The following DPH6 variants were observed in gnomAD, a reference collection of about 807,000 sequenced individuals.
DPH6 encodes diphthamine biosynthesis 6.
A neutral mutation model predicts 38.2 loss-of-function variants in DPH6; 33 were observed. The ratio of observed to expected loss-of-function variants is 0.86; its 90% CI spans 0.65 to 1.15. The LOEUF is 1.15. DPH6 is among the 50% of genes most tolerant of loss of function. The pLI, the probability that DPH6 is intolerant of heterozygous loss-of-function variation, is 0.00. For synonymous variants in DPH6, 108 were observed against 103.0 expected (o/e 1.05, Z -0.30); for missense variants, 325 against 320.0 (o/e 1.02, Z -0.12).
At chr15:35,344,038 A>G (rs1305944361) in intron 3 of DPH6, among the ~76,000 whole-genome samples, 2 of 152,046 alleles carry the variant, frequency 1.3e-5, no homozygotes, top group African/African-American at 4.8e-5. Flanking sequence ...AATAACAGTT[A>G]TGTGTTTTTA....
intron 5 of DPH6, among the ~76,000 whole-genome samples, chr15:35,444,990 G>A (rs2053833427): frequency 6.6e-6 from 1 of 152,140 alleles, no homozygotes; most frequent in Non-Finnish European, 1.5e-5. Context: ...GTACAATTTA[G>A]AAAAATAGTT....
chr15:35,256,145 T>G (rs1231770276), intron 3 of DPH6, among the ~76,000 whole-genome samples: 1 of 152,168 alleles, frequency 6.6e-6, no homozygotes, highest in African/African-American at 2.4e-5. Flanking sequence ...CATGGTATAC[T>G]TGTCATAACT....
intron 3 of DPH6, among the ~76,000 whole-genome samples, chr15:35,333,733 A>G (rs1224995358): frequency 6.6e-6 from 1 of 152,216 alleles, no homozygotes; most frequent in Non-Finnish European, 1.5e-5. Flanking sequence ...TTAAAGACCT[A>G]GAGGCAGAAA....
chr15:35,440,509 C>G (rs895703392), intron 5 of DPH6, among the ~76,000 whole-genome samples: 3 of 152,246 alleles, frequency 2.0e-5, no homozygotes, highest in Non-Finnish European at 4.4e-5. Context: ...AAATAGGCCT[C>G]TGAGGGAGAT....
At chr15:35,519,485 C>CAGAGA (rs2054891755) in intron 3 of DPH6, 1 of 151,942 alleles carries the variant, frequency 6.6e-6, no homozygotes, top group Non-Finnish European at 1.5e-5. Flanking sequence ...TGATGAACGT[C>CAGAGA]TGATAAAACT....
chr15:35,528,669 GACC>G (rs922872335), intron 3 of DPH6, among the ~76,000 whole-genome samples: 6 of 152,232 alleles, frequency 3.9e-5, no homozygotes, highest in African/African-American at 1.4e-4. Context: ...TCACCCTGAT[GACC>G]ACAAGAATTT....
chr15:35,146,774 A>G, the DPH6 span, among the ~76,000 whole-genome samples: 1 of 152,082 alleles, frequency 6.6e-6, no homozygotes, highest in Non-Finnish European at 1.5e-5. Context: ...GGAACCTCTA[A>G]AAGTCTTTAG....
At chr15:35,460,744 C>CA (rs1306838772) in intron 3 of DPH6, among the ~76,000 whole-genome samples, 1 of 152,112 alleles carries the variant, frequency 6.6e-6, no homozygotes, top group Non-Finnish European at 1.5e-5. Context: ...ATCACAGGCC[C>CA]ATTTGTTGCT....
intron 3 of DPH6, among the ~76,000 whole-genome samples, chr15:35,471,020 A>G (rs115964898): frequency 0.018 from 2,790 of 152,324 alleles, 88 homozygotes; most frequent in African/African-American, 0.062. Flanking sequence ...GCTTTACAAC[A>G]TACACATTAA....
intron 6 of DPH6, among the ~76,000 whole-genome samples, chr15:35,383,019 T>G (rs568957613): frequency 6.6e-6 from 1 of 152,298 alleles, no homozygotes; most frequent in South Asian, 2.1e-4. Context: ...CTCTATGCTA[T>G]TCACCCTTTC....
intron 6 of DPH6, among the ~76,000 whole-genome samples, chr15:35,406,120 G>A (rs1256137089): frequency 1.3e-5 from 2 of 152,010 alleles, no homozygotes; most frequent in Non-Finnish European, 2.9e-5. Flanking sequence ...GCAGCTCAAA[G>A]AAAGCTTATT....
At chr15:35,190,611 T>G in the DPH6 span, among the ~76,000 whole-genome samples, 1 of 152,364 alleles carries the variant, frequency 6.6e-6, no homozygotes, top group East Asian at 1.9e-4. Flanking sequence ...TGTTTCAGAA[T>G]CTTGCAGCCT....
chr15:35,489,791 C>T (rs549237625), intron 3 of DPH6: 1 of 981,916 alleles, frequency 1.0e-6, no homozygotes, highest in South Asian at 4.7e-5. Flanking sequence ...ACAAAATTCT[C>T]TACCTTCATG....
intron 3 of DPH6, among the ~76,000 whole-genome samples, chr15:35,476,342 T>C (rs1186481620): frequency 6.6e-6 from 1 of 151,734 alleles, no homozygotes; most frequent in Non-Finnish European, 1.5e-5. Context: ...AAAGTTAGGA[T>C]AATGGAAAAA....
At chr15:35,408,461 G>A (rs2053323829) in intron 6 of DPH6, among the ~76,000 whole-genome samples, 1 of 151,992 alleles carries the variant, frequency 6.6e-6, no homozygotes, top group Non-Finnish European at 1.5e-5. Flanking sequence ...AGTAGAGATT[G>A]AATTTGTGGT....
chr15:35,235,504 AC>A (rs2051545098), intron 3 of DPH6, among the ~76,000 whole-genome samples: 1 of 152,228 alleles, frequency 6.6e-6, no homozygotes, highest in Non-Finnish European at 1.5e-5. Context: ...TGCTCTATTC[AC>A]CTCTGAATTT....
chr15:35,414,915 T>C (rs929649220), intron 5 of DPH6, among the ~76,000 whole-genome samples: 1 of 151,844 alleles, frequency 6.6e-6, no homozygotes, highest in African/African-American at 2.4e-5. Flanking sequence ...AACAAATAGA[T>C]TTTATATTTT....
At chr15:35,362,537 T>G (rs1447460488) in intron 3 of DPH6, among the ~76,000 whole-genome samples, 1 of 152,252 alleles carries the variant, frequency 6.6e-6, no homozygotes, top group Non-Finnish European at 1.5e-5. Flanking sequence ...TTTCAGGCAT[T>G]GTAATAAGCT....
intron 3 of DPH6, among the ~76,000 whole-genome samples, chr15:35,515,619 G>T (rs1443363211): frequency 6.6e-6 from 1 of 151,574 alleles, no homozygotes; most frequent in Non-Finnish European, 1.5e-5. Flanking sequence ...TACTCAGGAG[G>T]CTGAGGCGGG....
Sources: allele counts gnomAD v4.1 joint callset (sites outside exome capture counted in the v4.1 genomes callset), GRCh38; gene constraint gnomAD v4.1.1; transcripts MANE v1.5; gene names NCBI Gene and HGNC (gene_info 2026-07-23, HGNC 2026-07-21).